Variants in PTPRM observed in about 807,000 individuals in gnomAD.
The protein encoded by PTPRM is protein tyrosine phosphatase receptor type M, also known as receptor-type tyrosine-protein phosphatase mu.
In PTPRM, 47 loss-of-function variants were observed where a neutral mutation model predicts 186.7. The observed-to-expected ratio is 0.25, with a 90% confidence interval of 0.20 to 0.32. The LOEUF (loss-of-function observed/expected upper bound fraction) is 0.32. Among genes scored for constraint, PTPRM ranks in the 10% least tolerant of loss-of-function variants. The pLI is 1.00. For synonymous variants in PTPRM, 668 were observed against 674.9 expected (o/e 0.99, Z 0.16); for missense variants, 1,494 against 1,865.0 (o/e 0.80, Z 3.66).
At chr18:8,188,276 A>G (rs1161427530) in intron 14 of PTPRM, among the ~76,000 whole-genome samples, 1 of 152,220 alleles carries the variant, frequency 6.6e-6, no homozygotes, top group African/African-American at 2.4e-5. Context: ...CTCCTCCCAT[A>G]CTGTGGACAA....
At chr18:8,017,025 C>T (rs1472254257) in intron 7 of PTPRM, among the ~76,000 whole-genome samples, 6 of 152,090 alleles carry the variant, frequency 3.9e-5, no homozygotes, top group African/African-American at 1.2e-4. Context: ...AAACCCATAC[C>T]GATTTTTTTT....
chr18:8,063,059 C>G (rs1489714347), intron 7 of PTPRM, among the ~76,000 whole-genome samples: 4 of 150,724 alleles, frequency 2.7e-5, no homozygotes, highest in African/African-American at 7.4e-5. Context: ...CCCCCAGCCT[C>G]GCTGCCGCCT....
At position 7,626,132 on chromosome 18, in the gene PTPRM, A is replaced by G. The variant is rs553905622; in HGVS notation, c.73+58241A>G. On this transcript the variant is annotated intron_variant, in intron 1 of 32. Coordinates refer to ENST00000580170, the MANE Select transcript of PTPRM (RefSeq NM_001105244.2). ...TTCCTCTGATGACATTCACTGGGAA[A>G]AGGAAAGGCTCTGTAGCCCCGTCTT... Among the ~76,000 whole-genome samples, 6 of 152,342 alleles carry G rather than the reference A, an allele frequency of 3.9e-5. No individual in the cohort carries two copies. In the South Asian group the frequency reaches 6.2e-4, roughly 16 times the overall value.
chr18:7,765,967 A>G (rs1408106037), intron 1 of PTPRM, among the ~76,000 whole-genome samples: 1 of 152,256 alleles, frequency 6.6e-6, no homozygotes, highest in South Asian at 2.1e-4. Flanking sequence ...AAGGCAGAAC[A>G]ATTCAAAATA....
chr18:8,362,181 A>T (rs1006610169), intron 23 of PTPRM, among the ~76,000 whole-genome samples: 8 of 152,078 alleles, frequency 5.3e-5, no homozygotes, highest in Non-Finnish European at 8.8e-5. Flanking sequence ...CCCGGCCCCA[A>T]CTGCTCCCAG....
At chr18:8,304,540 G>C (rs1443633843) in intron 20 of PTPRM, among the ~76,000 whole-genome samples, 1 of 152,132 alleles carries the variant, frequency 6.6e-6, no homozygotes, top group Admixed American at 6.6e-5. Context: ...TATGCAGATG[G>C]AGTTTCTCAA....
At chr18:8,352,704 C>T (rs1280577818) in intron 23 of PTPRM, among the ~76,000 whole-genome samples, 1 of 146,948 alleles carries the variant, frequency 6.8e-6, no homozygotes, top group South Asian at 2.2e-4. Flanking sequence ...TGGAGTCTCA[C>T]TCTGTCACCC....
chr18:7,949,225 C>G lies in PTPRM; in HGVS notation c.708C>G (p.Thr236=). ...RDAPLKEIKV[T]SSRRFIASFN... ...CTCCTCTGAAGGAAATCAAGGTGAC[C>G]AGCTCCCGACGCTTCATTGCTTCAT... Residue 236 remains threonine (T), a synonymous_variant, in exon 6 of 33, where the codon ACC becomes ACG. Transcript: ENST00000580170. 1 of 1,611,210 alleles carries G rather than the reference C, an allele frequency of 6.2e-7. No homozygotes were observed. Among genetic ancestry groups the G allele is most frequent in the Middle Eastern group, 1.7e-4 (1 of 6,054 alleles).
chr18:8,170,174 A>G (rs1377022218), intron 14 of PTPRM, among the ~76,000 whole-genome samples: 1 of 152,188 alleles, frequency 6.6e-6, no homozygotes, highest in East Asian at 1.9e-4. Context: ...TAAAGTCCTG[A>G]CATGTCAGTG....
In PTPRM at chr18:8,386,394, G is replaced by A. The variant is rs142237906; in HGVS notation, c.4045-678G>A. On this transcript the variant is annotated intron_variant, in intron 30 of 32. Coordinates refer to ENST00000580170, the MANE Select transcript of PTPRM (RefSeq NM_001105244.2). ...GGGGAGACTGAGGCAGAGAGAGAGG[G>A]AGGGACTGCTGTGGGAGAAGGACCA... 1.4e-3 allele frequency among the ~76,000 whole-genome samples: 216 copies of A among 152,210 alleles called. 2 individuals are homozygous for A. Among genetic ancestry groups the A allele is most frequent in the Non-Finnish European group, 1.6e-3 (106 of 67,998 alleles).
At position 8,007,778 on chromosome 18, in the gene PTPRM, G is replaced by A. The variant is rs1307409159; in HGVS notation, c.1132+52364G>A. 2.0e-5 allele frequency among the ~76,000 whole-genome samples: 3 copies of A among 152,140 alleles called. No homozygotes were observed. In the South Asian group the frequency reaches 6.2e-4, roughly 31 times the overall value. On this transcript the variant is annotated intron_variant, in intron 7 of 32. Coordinates refer to ENST00000580170, the MANE Select transcript of PTPRM (RefSeq NM_001105244.2). ...CTAAATCCGCTCTTGGCCACTGAGGGTCTCATTCCAAACATGGGAATGATA... is the reference window on the plus strand; with the variant it reads ...CTAAATCCGCTCTTGGCCACTGAGGATCTCATTCCAAACATGGGAATGATA...
intron 4 of PTPRM, among the ~76,000 whole-genome samples, chr18:7,911,447 G>T (rs1356882929): frequency 6.6e-6 from 1 of 152,124 alleles, no homozygotes; most frequent in African/African-American, 2.4e-5. Context: ...GTTTCAGGTG[G>T]CACCTGTTTG....
intron 2 of PTPRM, among the ~76,000 whole-genome samples, chr18:7,836,998 C>G (rs2145791942): frequency 6.6e-6 from 1 of 152,196 alleles, no homozygotes; most frequent in South Asian, 2.1e-4. Flanking sequence ...TGTTCTATAG[C>G]CTTCTTGTTC....
At chr18:7,987,167 C>T (rs554684202) in intron 7 of PTPRM, among the ~76,000 whole-genome samples, 1 of 152,264 alleles carries the variant, frequency 6.6e-6, no homozygotes, top group East Asian at 1.9e-4. Context: ...AACTGTCCTC[C>T]AAAAATCTGT....
intron 4 of PTPRM, among the ~76,000 whole-genome samples, chr18:7,921,018 ACT>A: frequency 6.6e-6 from 1 of 151,978 alleles, no homozygotes; most frequent in East Asian, 1.9e-4. Flanking sequence ...CTTTTAGGAT[ACT>A]CTCTTTGTCT....
intron 1 of PTPRM, among the ~76,000 whole-genome samples, chr18:7,632,766 C>G (rs1311858340): frequency 1.3e-5 from 2 of 152,288 alleles, no homozygotes; most frequent in African/African-American, 2.4e-5. Context: ...TTAGAATGGT[C>G]TCTCAGCAAA....
chr18:8,217,408 A>G (rs1187608701), intron 14 of PTPRM, among the ~76,000 whole-genome samples: 2 of 152,114 alleles, frequency 1.3e-5, no homozygotes, highest in African/African-American at 4.8e-5. Context: ...GAATTTAACC[A>G]CAGATATTCC....
At chr18:7,814,218 C>T (rs331421) in intron 2 of PTPRM, 24,279 of 152,230 alleles carry the variant, frequency 0.16, 4,258 homozygotes, top group African/African-American at 0.44. Flanking sequence ...TGGGGATCCC[C>T]GTTCTTCCAG....
chr18:8,240,146 A>G (rs2094398654), intron 14 of PTPRM, among the ~76,000 whole-genome samples: 1 of 152,174 alleles, frequency 6.6e-6, no homozygotes, highest in Non-Finnish European at 1.5e-5. Flanking sequence ...AGAAAGAAAA[A>G]GAGAGAAACA....
Sources: allele counts gnomAD v4.1 joint callset (sites outside exome capture counted in the v4.1 genomes callset), GRCh38; gene constraint gnomAD v4.1.1; transcripts MANE v1.5; gene names NCBI Gene and HGNC (gene_info 2026-07-23, HGNC 2026-07-21).